Variants in ARL15 observed in about 807,000 individuals in gnomAD.
ARL15 encodes ADP-ribosylation factor-like protein 15.
In ARL15, 19 loss-of-function variants were observed where a neutral mutation model predicts 25.2. The observed-to-expected ratio is 0.75, with a 90% CI of 0.53 to 1.10. The LOEUF is 1.10. ARL15 is among the 50% of genes least tolerant of loss of function. ARL15 has a pLI of 0.00. For synonymous variants in ARL15, 94 were observed against 86.8 expected, an observed-to-expected ratio of 1.08 and a Z score of -0.46; for missense variants, 220 against 246.0, an observed-to-expected ratio of 0.89 and a Z score of 0.71.
intron 4 of ARL15, among the ~76,000 whole-genome samples, chr5:54,016,971 G>C (rs1252284473): frequency 2.0e-5 from 3 of 152,174 alleles, no homozygotes; most frequent in Admixed American, 6.5e-5. Context: ...ATAAGCCAAA[G>C]AAAAGCAAAG....
At chr5:54,259,117 A>C (rs1322933407) in intron 1 of ARL15, among the ~76,000 whole-genome samples, 3 of 152,130 alleles carry the variant, frequency 2.0e-5, no homozygotes, top group African/African-American at 7.2e-5. Context: ...TGCACCTATG[A>C]TCATTCATCT....
intron 2 of ARL15, among the ~76,000 whole-genome samples, chr5:54,170,508 T>C (rs13164221): frequency 0.21 from 32,678 of 152,116 alleles, 3,612 homozygotes; most frequent in Middle Eastern, 0.27. Flanking sequence ...GAATACAATT[T>C]GTCTCCTGGC....
intron 1 of ARL15, among the ~76,000 whole-genome samples, chr5:54,242,351 C>T (rs1266414384): frequency 3.3e-5 from 5 of 152,104 alleles, no homozygotes; most frequent in African/African-American, 4.8e-5. Context: ...TTCAACAGTG[C>T]CTTGATTGGT....
intron 1 of ARL15, among the ~76,000 whole-genome samples, chr5:54,278,341 G>T (rs975692850): frequency 4.6e-5 from 7 of 152,224 alleles, no homozygotes; most frequent in African/African-American, 1.4e-4. Flanking sequence ...TTCACTGCCA[G>T]GATTTCATAA....
chr5:54,053,932 G>C (rs1750777193), intron 4 of ARL15, among the ~76,000 whole-genome samples: 1 of 152,134 alleles, frequency 6.6e-6, no homozygotes, highest in Admixed American at 6.5e-5. Context: ...ATCAGTATTG[G>C]TTCATTAACT....
intron 3 of ARL15, among the ~76,000 whole-genome samples, chr5:54,146,517 TTGC>T (rs1353598939): frequency 1.3e-5 from 2 of 152,222 alleles, no homozygotes; most frequent in African/African-American, 4.8e-5. Context: ...TCCAGTGCTG[TTGC>T]TGCACTACCA....
At chr5:54,231,951 TC>T (rs1185747190) in intron 1 of ARL15, among the ~76,000 whole-genome samples, 1 of 152,058 alleles carries the variant, frequency 6.6e-6, no homozygotes, top group East Asian at 1.9e-4. Context: ...CAGTCCATAC[TC>T]CCTCTCCAAT....
At chr5:54,032,683 A>G (rs1387400654) in intron 4 of ARL15, among the ~76,000 whole-genome samples, 1 of 152,190 alleles carries the variant, frequency 6.6e-6, no homozygotes, top group Non-Finnish European at 1.5e-5. Flanking sequence ...CTACTTAAGC[A>G]TGGGAATTAC....
At chr5:54,207,998 T>C (rs1369133584) in intron 1 of ARL15, among the ~76,000 whole-genome samples, 1 of 152,160 alleles carries the variant, frequency 6.6e-6, no homozygotes, top group African/African-American at 2.4e-5. Context: ...AGTAAAACTT[T>C]AGCATAGTGA....
At chr5:54,085,893 C>CA (rs1751949462) in intron 4 of ARL15, among the ~76,000 whole-genome samples, 1 of 150,712 alleles carries the variant, frequency 6.6e-6, no homozygotes, top group Non-Finnish European at 1.5e-5. Context: ...CTAAGCGTCC[C>CA]ATGGCTCCAG....
chr5:54,262,367 C>T (rs1042293163), intron 1 of ARL15, among the ~76,000 whole-genome samples: 1 of 152,102 alleles, frequency 6.6e-6, no homozygotes, highest in African/African-American at 2.4e-5. Context: ...TATTTTACCC[C>T]AGGTCATTCA....
chr5:53,945,084 G>C (rs1217296120), intron 4 of ARL15, among the ~76,000 whole-genome samples: 2 of 152,188 alleles, frequency 1.3e-5, no homozygotes, highest in African/African-American at 4.8e-5. Flanking sequence ...AGTAAGCTTG[G>C]AGTGGCTGAG....
chr5:54,066,995 G>T (rs1011843284), intron 4 of ARL15, among the ~76,000 whole-genome samples: 1 of 152,094 alleles, frequency 6.6e-6, no homozygotes, highest in Non-Finnish European at 1.5e-5. Context: ...CACTAAAAAC[G>T]ACATCTGAAA....
intron 4 of ARL15, among the ~76,000 whole-genome samples, chr5:54,051,011 A>T (rs1464727986): frequency 6.6e-6 from 1 of 152,236 alleles, no homozygotes; most frequent in African/African-American, 2.4e-5. Context: ...TAGATATAAG[A>T]TATTAATACT....
chr5:53,910,799 T>G (rs1745439565), intron 4 of ARL15, among the ~76,000 whole-genome samples: 1 of 151,560 alleles, frequency 6.6e-6, no homozygotes, highest in Non-Finnish European at 1.5e-5. Flanking sequence ...CCTTTCGTTT[T>G]TCAAAAACCC....
At chr5:54,247,096 T>C (rs548381344) in intron 1 of ARL15, among the ~76,000 whole-genome samples, 2 of 152,254 alleles carry the variant, frequency 1.3e-5, no homozygotes, top group East Asian at 3.9e-4. Flanking sequence ...TCCAAAAATT[T>C]CTTTTGTATC....
chr5:54,004,306 A>G (rs1181695661), intron 4 of ARL15, among the ~76,000 whole-genome samples: 1 of 152,104 alleles, frequency 6.6e-6, no homozygotes, highest in Non-Finnish European at 1.5e-5. Context: ...CATCCTGGCC[A>G]ACATGGTGAA....
intron 4 of ARL15, among the ~76,000 whole-genome samples, chr5:53,966,373 C>T (rs1464709005): frequency 2.6e-5 from 4 of 152,154 alleles, no homozygotes; most frequent in East Asian, 1.9e-4. Context: ...TCTCTTCATC[C>T]GTATCCTTTG....
At chr5:54,046,639 C>T (rs6884003) in intron 4 of ARL15, among the ~76,000 whole-genome samples, 14,864 of 152,194 alleles carry the variant, frequency 0.098, 1,008 homozygotes, top group African/African-American at 0.19. Context: ...ATAGAGGCAA[C>T]AGAATGTCCT....
Sources: allele counts gnomAD v4.1 joint callset (sites outside exome capture counted in the v4.1 genomes callset), GRCh38; gene constraint gnomAD v4.1.1; transcripts MANE v1.5; gene names NCBI Gene and HGNC (gene_info 2026-07-23, HGNC 2026-07-21).